Variants in MYO6 observed in about 807,000 individuals in gnomAD.
The protein encoded by MYO6 is myosin VI, also known as unconventional myosin-VI.
Under a neutral mutation model 178.7 loss-of-function variants are expected in MYO6, and 74 were observed. The ratio of observed to expected loss-of-function variants is 0.41; its 90% confidence interval spans 0.34 to 0.50. The LOEUF (loss-of-function observed/expected upper bound fraction) is 0.50. Ranked by LOEUF, MYO6 falls within the 20% of genes least tolerant of loss-of-function variation. The probability of loss-of-function intolerance (pLI) is 0.09; values close to 1 mark genes in which losing one functional copy is unlikely to be tolerated. For missense variants in MYO6, 1,330 were observed against 1,547.4 expected (o/e 0.86, Z 2.36); for synonymous variants, 477 against 504.6 (o/e 0.95, Z 0.73).
chr6:75,873,268 G>T lies in MYO6; in HGVS notation c.2045G>T (p.Gly682Val), dbSNP rs776564463. The T allele has an allele frequency of 3.1e-6, 5 of 1,613,808 alleles. No homozygotes were observed. In the Admixed American group the frequency reaches 8.3e-5, roughly 27 times the overall value. ...AAGATGACAAGCCACCACTTTGAAGGTGCTCAAATTCTGTCTCAGCTTCAG... is the reference window on the plus strand; with the variant it reads ...AAGATGACAAGCCACCACTTTGAAGTTGCTCAAATTCTGTCTCAGCTTCAG... Reference protein sequence around the residue: ...NLKMTSHHFEGAQILSQLQCS... With the variant: ...NLKMTSHHFEVAQILSQLQCS... Residue 682 changes from glycine to valine, a missense_variant, in exon 20 of 35, where the codon GGT becomes GTT. By Grantham distance (109) the Gly-to-Val change is moderately radical (BLOSUM62 -3). Transcript: ENST00000369977.
intron 1 of MYO6, among the ~76,000 whole-genome samples, chr6:75,816,443 G>A (rs1771255110): frequency 6.6e-6 from 1 of 152,248 alleles, no homozygotes. Flanking sequence ...GTAGCCTCAA[G>A]CAGTCCTCCT....
chr6:75,876,186 G>T (rs370540446), intron 20 of MYO6, among the ~76,000 whole-genome samples: 1 of 152,126 alleles, frequency 6.6e-6, no homozygotes, highest in African/African-American at 2.4e-5. Context: ...TCCTGACATG[G>T]AGGGGAGCCT....
At chr6:75,890,409 C>T (rs966221994) in intron 26 of MYO6, 144 bp downstream of exon 26, 25 of 1,145,544 alleles carry the variant, frequency 2.2e-5, no homozygotes, top group East Asian at 5.3e-5. Context: ...TGCAGTGGCG[C>T]GATCTTGGCT....
intron 6 of MYO6, among the ~76,000 whole-genome samples, chr6:75,833,605 G>A (rs1773344603): frequency 6.6e-6 from 1 of 152,160 alleles, no homozygotes; most frequent in South Asian, 2.1e-4. Flanking sequence ...CTCAACTTAA[G>A]ATTCATCCAT....
chr6:75,892,422 G>T, intron 27 of MYO6, 108 bp from the exon 28 acceptor site: 1 of 1,424,284 alleles, frequency 7.0e-7, no homozygotes, highest in Admixed American at 1.7e-5. Context: ...CTTTAGTAAA[G>T]AACTTGTATG....
intron 26 of MYO6, among the ~76,000 whole-genome samples, chr6:75,890,663 GTTC>G (rs1407039808): frequency 6.6e-6 from 1 of 152,072 alleles, no homozygotes; most frequent in South Asian, 2.1e-4. Context: ...TTAAAACTGT[GTTC>G]TTATTTTAAT....
intron 1 of MYO6, among the ~76,000 whole-genome samples, chr6:75,804,301 C>T (rs562634812): frequency 6.6e-6 from 1 of 152,200 alleles, no homozygotes; most frequent in African/African-American, 2.4e-5. Context: ...AACTGTTAAC[C>T]TTGTGCCCCA....
chr6:75,879,827 G>A lies in MYO6; in HGVS notation c.2085G>A (p.Val695=). 1 of 1,614,122 alleles carries A rather than the reference G, an allele frequency of 6.2e-7. No homozygotes were observed. The highest frequency in any genetic ancestry group is 2.2e-5 in the East Asian group (1 of 44,860). Residue 695 remains valine, a synonymous_variant, in exon 21 of 35, where the codon GTG becomes GTA. Transcript: ENST00000369977. ...GCTTGTTCGTGAATCTAGGGATGGTGTCTGTTTTGGACTTGATGCAGGGTG... is the reference window on the plus strand; with the variant it reads ...GCTTGTTCGTGAATCTAGGGATGGTATCTGTTTTGGACTTGATGCAGGGTG... ...ILSQLQCSGM[V]SVLDLMQGGY...
chr6:75,845,604 G>A (rs1583257566), intron 10 of MYO6, among the ~76,000 whole-genome samples: 1 of 152,034 alleles, frequency 6.6e-6, no homozygotes, highest in East Asian at 1.9e-4. Flanking sequence ...TAAAGTGGGA[G>A]GATTGCTTGA....
At chr6:75,789,210 A>G (rs552239058) in intron 1 of MYO6, among the ~76,000 whole-genome samples, 1 of 152,120 alleles carries the variant, frequency 6.6e-6, no homozygotes, top group Admixed American at 6.5e-5. Context: ...TCTAAGGTAC[A>G]CAATTAATAT....
chr6:75,814,623 T>A (rs1771028883), intron 1 of MYO6, among the ~76,000 whole-genome samples: 1 of 152,100 alleles, frequency 6.6e-6, no homozygotes, highest in South Asian at 2.1e-4. Context: ...GCACTTTGTA[T>A]GGTTGAGGCA....
chr6:75,893,503 A>G (rs1779064643), intron 28 of MYO6, among the ~76,000 whole-genome samples: 1 of 152,162 alleles, frequency 6.6e-6, no homozygotes, highest in South Asian at 2.1e-4. Context: ...ATAGAGTACA[A>G]CCACTAGATG....
At chr6:75,758,038 C>T (rs1474826738) in intron 1 of MYO6, among the ~76,000 whole-genome samples, 6 of 122,054 alleles carry the variant, frequency 4.9e-5, no homozygotes, top group Admixed American at 2.4e-4. Flanking sequence ...AGTGCAGTAG[C>T]GCGATCTTGG....
At chr6:75,913,748 G>A (rs1025832055) in intron 33 of MYO6, among the ~76,000 whole-genome samples, 5 of 152,088 alleles carry the variant, frequency 3.3e-5, no homozygotes, top group South Asian at 2.1e-4. Context: ...TTCCTGCCGT[G>A]TGAGTTTATT....
At position 75,918,650 on chromosome 6, in the gene MYO6, G is replaced by C. The variant is rs1781259888; in HGVS notation, c.*3638G>C. On this transcript the variant is annotated 3_prime_UTR_variant, in exon 35 of 35. Coordinates refer to ENST00000369977, the MANE Select transcript of MYO6 (RefSeq NM_004999.4). ...GACTGGCAGAAGTAGCACCTACTCT[G>C]CTGGGAGCACTTCTCTGAGTACGCT... 1 of 152,204 alleles carries C rather than the reference G, an allele frequency of 6.6e-6. No individual in the cohort carries two copies. Among genetic ancestry groups the C allele is most frequent in the Admixed American group, 6.5e-5 (1 of 15,274 alleles). 9.4% of individuals were successfully genotyped at this position (152,204 alleles called of 1,614,324 possible). A position where few individuals can be genotyped will look rare whatever the true frequency, so the allele number is the denominator to read the frequency against.
At chr6:75,789,443 T>A (rs1338630313) in intron 1 of MYO6, among the ~76,000 whole-genome samples, 1 of 152,178 alleles carries the variant, frequency 6.6e-6, no homozygotes, top group African/African-American at 2.4e-5. Flanking sequence ...AACCTGTGGT[T>A]GTTCACTCTT....
chr6:75,869,026 C>T (rs1776924189), intron 18 of MYO6, among the ~76,000 whole-genome samples: 1 of 146,736 alleles, frequency 6.8e-6, no homozygotes, highest in African/African-American at 2.5e-5. Context: ...TTCTCAGCTG[C>T]TAAGAGTTTA....
chr6:75,886,815 T>C, intron 24 of MYO6, 29 bp from the exon 25 acceptor site: 1 of 1,610,776 alleles, frequency 6.2e-7, no homozygotes, highest in Non-Finnish European at 8.5e-7. Context: ...AGGATGAAAT[T>C]AAGCTCTAAT....
chr6:75,778,611 A>T lies in MYO6; in HGVS notation c.-48+29188A>T, dbSNP rs11753195. 2.8e-3 allele frequency among the ~76,000 whole-genome samples: 422 copies of T among 151,154 alleles called. 3 individuals are homozygous for T. Among genetic ancestry groups the T allele is most frequent in the Non-Finnish European group, 4.2e-3 (286 of 67,718 alleles). Reference sequence around the variant, plus strand: ...GACTCCGTCTCAAAAAAAAAAAAAAATTTTTTTTCTGCCTTTTTCTAATTT... The same window carrying T: ...GACTCCGTCTCAAAAAAAAAAAAAATTTTTTTTTCTGCCTTTTTCTAATTT... On this transcript the variant is annotated intron_variant, in intron 1 of 34. Transcript: ENST00000369977.
Sources: gnomAD v4.1 joint callset for allele counts (sites outside exome capture counted in the v4.1 genomes callset) on GRCh38, gnomAD v4.1.1 for gene constraint, MANE v1.5 for transcripts, NCBI Gene and HGNC (gene_info 2026-07-23, HGNC 2026-07-21) for gene names.